APBB1IP: variants seen among roughly 807,000 people sequenced by gnomAD.
The protein encoded by APBB1IP is amyloid beta A4 precursor protein-binding family B member 1-interacting protein.
APBB1IP carries 27 observed loss-of-function variants against 64.9 expected under a neutral mutation model. The observed-to-expected ratio is 0.42, with a 90% CI of 0.31 to 0.57. The LOEUF is 0.57. Ranked by LOEUF, APBB1IP falls within the 20% of genes least tolerant of loss-of-function variation. The pLI is 0.20. For missense variants in APBB1IP, 812 were observed against 845.5 expected (o/e 0.96, Z 0.49); for synonymous variants, 392 against 331.0 (o/e 1.18, Z -2.00).
intron 11 of APBB1IP, among the ~76,000 whole-genome samples, chr10:26,554,769 GAT>G (rs1309624779): frequency 6.6e-6 from 1 of 152,048 alleles, no homozygotes; most frequent in African/African-American, 2.4e-5. Flanking sequence ...TTTTTGCAGA[GAT>G]GGGGTTTAGC....
At chr10:26,550,152 C>G (rs1392225760) in intron 11 of APBB1IP, among the ~76,000 whole-genome samples, 1 of 150,150 alleles carries the variant, frequency 6.7e-6, no homozygotes, top group African/African-American at 2.5e-5. Flanking sequence ...GTGTTATTTG[C>G]TTTTTTTTTC....
intron 2 of APBB1IP, among the ~76,000 whole-genome samples, chr10:26,450,898 AT>A (rs1454345698): frequency 2.0e-5 from 3 of 151,956 alleles, no homozygotes; most frequent in Non-Finnish European, 2.9e-5. Context: ...GTATCACTAT[AT>A]TGGTCAGGCT....
In APBB1IP at chr10:26,511,809, G is replaced by T; in HGVS notation, c.594G>T (p.Gln198His). ...AGTCACTGATGGTGGATGAGCGGCA[G>T]CTGGCCCGAGATGTTCTGGACAACC... ...STKSLMVDER[Q>H]LARDVLDNLF... The change falls in exon 7 of 15, where the codon CAG (glutamine) becomes CAT (histidine). Residue 198 changes from glutamine (Q) to histidine (H), a missense_variant. Gln to His is a conservative substitution (Grantham distance 24). This residue lies in a region of APBB1IP where 394 missense variants were observed against 413.1 expected (regional missense o/e 0.95). Transcript: ENST00000376236. 6.2e-7 allele frequency: 1 copy of T among 1,614,190 alleles called. No homozygotes were observed. The highest frequency in any genetic ancestry group is 1.3e-5 in the African/African-American group (1 of 75,062).
At chr10:26,499,241 G>C (rs1836066582) in intron 4 of APBB1IP, among the ~76,000 whole-genome samples, 1 of 151,734 alleles carries the variant, frequency 6.6e-6, no homozygotes, top group Non-Finnish European at 1.5e-5. Flanking sequence ...ACTCCAGCCT[G>C]GGCAACAGAG....
chr10:26,567,284 CCCGCCG>C lies in APBB1IP; in HGVS notation c.1812_1817del (p.Pro605_Pro606del). On this transcript the variant is annotated inframe_deletion, in exon 15 of 15. Coordinates refer to ENST00000376236, the MANE Select transcript of APBB1IP (RefSeq NM_019043.4). ...CAGGGATCGCGGGCTCAGAGCTGCC[CCCGCCG>C]CCGCCGCCGCCGCCCGCGCCCGCGC... The C allele has an allele frequency of 7.2e-6, 8 of 1,103,878 alleles. No individual in the cohort carries two copies. The highest frequency in any genetic ancestry group is 7.6e-5 in the South Asian group (2 of 26,478). The allele number at this position is 1,103,878 out of a possible 1,614,324, so 68.4% of individuals were successfully genotyped here.
chr10:26,541,742 T>C, intron 11 of APBB1IP, 50 bp downstream of exon 11: 1 of 1,352,910 alleles, frequency 7.4e-7, no homozygotes, highest in Non-Finnish European at 1.0e-6. Context: ...TTTGAGTTAA[T>C]TTTTTTTCAA....
In APBB1IP at chr10:26,499,198, C is replaced by T. The variant is rs557229471; in HGVS notation, c.161-1621C>T. ...GGAGGATTGCTTGAACCCATGAGGT[C>T]GAGGCTACAGTGAGCTATGATCCTA... is the stretch of plus-strand genomic sequence containing the variant. On this transcript the variant is annotated intron_variant, in intron 4 of 14. Transcript: ENST00000376236. Among the ~76,000 whole-genome samples the T allele has an allele frequency of 1.5e-3, 226 of 151,760 alleles. 1 individual carries two copies. The highest frequency in any genetic ancestry group is 6.8e-3 in the Middle Eastern group (2 of 294).
At chr10:26,548,359 C>T (rs1391540975) in intron 11 of APBB1IP, among the ~76,000 whole-genome samples, 1 of 145,346 alleles carries the variant, frequency 6.9e-6, no homozygotes, top group Non-Finnish European at 1.5e-5. Context: ...CACAACAGGC[C>T]CCGGTGTGTG....
intron 2 of APBB1IP, among the ~76,000 whole-genome samples, chr10:26,459,449 A>G (rs1481207739): frequency 6.6e-6 from 1 of 152,102 alleles, no homozygotes; most frequent in African/African-American, 2.4e-5. Flanking sequence ...TTGGGTATAT[A>G]CCCAGTAATG....
chr10:26,496,830 A>T (rs2132434144), intron 4 of APBB1IP, among the ~76,000 whole-genome samples: 3 of 151,298 alleles, frequency 2.0e-5, no homozygotes, highest in African/African-American at 7.2e-5. Flanking sequence ...ATATATACTT[A>T]TATGTAATTT....
rs115947732 is a variant in APBB1IP, at chr10:26,463,249, G to A, written c.-1+24396G>A. 3.3e-3 allele frequency among the ~76,000 whole-genome samples: 507 copies of A among 152,214 alleles called. 5 individuals are homozygous for A. The highest frequency in any genetic ancestry group is 0.012 in the African/African-American group (492 of 41,542). On this transcript the variant is annotated intron_variant, in intron 2 of 14. Coordinates refer to ENST00000376236, the MANE Select transcript of APBB1IP (RefSeq NM_019043.4). ...TGCTAGGAGTTCAAGACTAGCCTGG[G>A]CAAGATAGTGAGATCCCATCTTTAC... is the stretch of plus-strand genomic sequence containing the variant.
At chr10:26,475,402 G>A (rs774630700) in intron 2 of APBB1IP, among the ~76,000 whole-genome samples, 9 of 152,122 alleles carry the variant, frequency 5.9e-5, no homozygotes, top group Non-Finnish European at 1.0e-4. Flanking sequence ...ATTACAGGCC[G>A]GAGCCGCCGT....
chr10:26,516,413 G>C (rs1836328394), intron 8 of APBB1IP, among the ~76,000 whole-genome samples: 1 of 151,410 alleles, frequency 6.6e-6, no homozygotes, highest in Admixed American at 6.6e-5. Context: ...CATGGTGGTG[G>C]GCTCCTGTAA....
chr10:26,558,693 C>T (rs1339824397), intron 11 of APBB1IP, among the ~76,000 whole-genome samples: 1 of 151,658 alleles, frequency 6.6e-6, no homozygotes, highest in Non-Finnish European at 1.5e-5. Flanking sequence ...GGAAGGATTG[C>T]GTGAGCCCAG....
intron 2 of APBB1IP, among the ~76,000 whole-genome samples, chr10:26,448,834 G>A (rs1187924221): frequency 6.6e-6 from 1 of 152,168 alleles, no homozygotes; most frequent in Non-Finnish European, 1.5e-5. Flanking sequence ...AACAAATGGC[G>A]AAGCAGGATG....
At chr10:26,501,852 AC>A (rs1185905935) in intron 5 of APBB1IP, 1 of 152,212 alleles carries the variant, frequency 6.6e-6, no homozygotes, top group Non-Finnish European at 1.5e-5. Context: ...CACAAATAAG[AC>A]CCTAGGGACC....
chr10:26,495,736 TG>T (rs1013435642), intron 3 of APBB1IP, among the ~76,000 whole-genome samples: 1 of 151,310 alleles, frequency 6.6e-6, no homozygotes, highest in Non-Finnish European at 1.5e-5. Flanking sequence ...TAGGTTTGCT[TG>T]GCTAAACAGC....
chr10:26,539,407 GA>G (rs397969156), intron 10 of APBB1IP, among the ~76,000 whole-genome samples: 46 of 122,008 alleles, frequency 3.8e-4, no homozygotes, highest in East Asian at 7.7e-4. Context: ...ATGAGATCCT[GA>G]AAAAAAAAAA....
At chr10:26,535,667 G>A (rs1293258887) in intron 9 of APBB1IP, among the ~76,000 whole-genome samples, 1 of 152,016 alleles carries the variant, frequency 6.6e-6, no homozygotes, top group Non-Finnish European at 1.5e-5. Flanking sequence ...TTACTTATCA[G>A]GAAAGTAATA....
Sources: gnomAD v4.1 joint callset for allele counts (sites outside exome capture counted in the v4.1 genomes callset) on GRCh38, gnomAD v4.1.1 for gene constraint, gnomAD v4.1.1 regional missense constraint, MANE v1.5 for transcripts, NCBI Gene and HGNC (gene_info 2026-07-23, HGNC 2026-07-21) for gene names.